The following UNC80 variants were observed in gnomAD, a reference collection of about 807,000 sequenced individuals.
UNC80 encodes protein unc-80 homolog.
In UNC80, 164 loss-of-function variants were observed where a neutral mutation model predicts 384.6. That is an observed-to-expected ratio of 0.43 (90% CI 0.38 to 0.49). UNC80 has a LOEUF of 0.49. Among genes scored for constraint, UNC80 ranks in the 20% least tolerant of loss-of-function variants. The pLI is 0.00. For missense variants in UNC80, 3,330 were observed against 4,143.0 expected, an observed-to-expected ratio of 0.80 and a Z score of 5.39; for synonymous variants, 1,486 against 1,527.8, an observed-to-expected ratio of 0.97 and a Z score of 0.64.
intron 31 of UNC80, 131 bp downstream of exon 31, chr2:209,914,071 G>T: frequency 8.8e-7 from 1 of 1,141,290 alleles, no homozygotes; most frequent in Non-Finnish European, 1.2e-6. Context: ...TATAACTGTA[G>T]ACTCTAGAGC....
chr2:209,893,406 T>A (rs1192463180), intron 26 of UNC80, among the ~76,000 whole-genome samples: 1 of 152,208 alleles, frequency 6.6e-6, no homozygotes, highest in Non-Finnish European at 1.5e-5. Flanking sequence ...AGGTTCAAGT[T>A]TAAATGCATT....
intron 41 of UNC80, among the ~76,000 whole-genome samples, chr2:209,937,149 T>A (rs1190169113): frequency 6.6e-6 from 1 of 152,246 alleles, no homozygotes; most frequent in Non-Finnish European, 1.5e-5. Flanking sequence ...ATGATAATGG[T>A]ATCCATGCTA....
intron 14 of UNC80, among the ~76,000 whole-genome samples, chr2:209,826,670 G>A (rs2080546386): frequency 6.6e-6 from 1 of 152,108 alleles, no homozygotes; most frequent in African/African-American, 2.4e-5. Context: ...ACTGGAAATG[G>A]TCTTCCAGCT....
intron 49 of UNC80, among the ~76,000 whole-genome samples, chr2:209,958,857 G>A (rs942875267): frequency 3.3e-5 from 5 of 152,268 alleles, no homozygotes; most frequent in Non-Finnish European, 2.9e-5. Context: ...TATTCTATGA[G>A]TTTGTATATA....
chr2:209,947,401 T>A (rs1316059236), intron 47 of UNC80, among the ~76,000 whole-genome samples: 1 of 152,230 alleles, frequency 6.6e-6, no homozygotes, highest in Non-Finnish European at 1.5e-5. Flanking sequence ...ATTTCAAATT[T>A]TACCAAATTT....
intron 54 of UNC80, among the ~76,000 whole-genome samples, chr2:209,971,378 T>C (rs927830057): frequency 6.6e-6 from 1 of 151,966 alleles, no homozygotes; most frequent in African/African-American, 2.4e-5. Flanking sequence ...TCTTTAATGA[T>C]TGTGGGTTGA....
At chr2:209,863,934 G>A (rs2083521423) in intron 22 of UNC80, among the ~76,000 whole-genome samples, 1 of 151,804 alleles carries the variant, frequency 6.6e-6, no homozygotes, top group South Asian at 2.1e-4. Flanking sequence ...CGGGTCTTCA[G>A]CATTTTTTCG....
At position 209,972,989 on chromosome 2, in the gene UNC80, T is replaced by G. The variant is rs143434705; in HGVS notation, c.8381-75T>G. ...TTTGGACTTGGAAAGAGCTGAGTTT[T>G]TCTGTATCTACTGTGGACAGTCTAC... On this transcript the variant is annotated intron_variant, in intron 55 of 64. Coordinates refer to ENST00000673920, the MANE Select transcript of UNC80 (RefSeq NM_001371986.1). 4 of 1,390,420 alleles carry G rather than the reference T, an allele frequency of 2.9e-6. No individual in the cohort carries two copies. In the African/African-American group the frequency reaches 5.8e-5, roughly 20 times the overall value. The allele number at this position is 1,390,420 out of a possible 1,614,324, so 86.1% of individuals were successfully genotyped here.
intron 17 of UNC80, 93 bp downstream of exon 17, chr2:209,834,261 G>T: frequency 6.8e-6 from 9 of 1,322,700 alleles, no homozygotes; most frequent in Non-Finnish European, 9.3e-6. Context: ...GTGCTGAAAT[G>T]TCAGCATAGG....
chr2:209,913,572 G>A (rs578117190), intron 30 of UNC80, among the ~76,000 whole-genome samples: 1 of 152,172 alleles, frequency 6.6e-6, no homozygotes, highest in Non-Finnish European at 1.5e-5. Flanking sequence ...AAGCAATTTT[G>A]TGGTGAAAAC....
rs1396989488 is a variant in UNC80, at chr2:209,872,288, A to G, written c.3628-470A>G. Among the ~76,000 whole-genome samples the G allele has an allele frequency of 6.6e-6, 1 of 152,210 alleles. No individual in the cohort carries two copies. The highest frequency in any genetic ancestry group is 1.5e-5 in the Non-Finnish European group (1 of 68,034). On this transcript the variant is annotated intron_variant, in intron 22 of 64. Transcript: ENST00000673920. This position sits in a 1 kb window ranked among gnomAD's most constrained non-coding sequence, Gnocchi z 4.1. ...GGAACATATGGATGGTTATAGACAA[A>G]AGACTATTGCTGGTACAAAATTACT... is the stretch of plus-strand genomic sequence containing the variant.
At chr2:209,930,014 T>A in intron 37 of UNC80, 43 bp downstream of exon 37, 1 of 1,332,736 alleles carries the variant, frequency 7.5e-7, no homozygotes, top group African/African-American at 1.5e-5. Context: ...TGGCTACAAG[T>A]GTGAACACTG....
rs565269557 is a variant in UNC80, at chr2:209,982,240, T to G, written c.9180T>G (p.Ile3060Met). The G allele has an allele frequency of 6.4e-7, 1 of 1,551,662 alleles. No homozygotes were observed. Among genetic ancestry groups the G allele is most frequent in the East Asian group, 2.4e-5 (1 of 40,912 alleles). ...SEQEAYLLSA[I>M]GRRRFSSHVS... ...AAGAAGCTTACCTCCTGAGTGCCAT[T>G]GGAAGGAGGCGATTCTCCAGCCATG... The change falls in exon 60 of 65, where the codon ATT (isoleucine) becomes ATG (methionine). Residue 3060 changes from isoleucine to methionine, a missense_variant. By Grantham distance (10) the Ile-to-Met change is conservative (BLOSUM62 1). Around this residue, in one of 8 missense-constraint regions of UNC80, gnomAD observed 216 missense variants for 245.3 expected, o/e 0.88. Transcript: ENST00000673920.
intron 40 of UNC80, 149 bp from the exon 41 acceptor site, chr2:209,936,695 G>T: frequency 1.6e-6 from 1 of 610,976 alleles, no homozygotes; most frequent in Admixed American, 2.8e-5. Flanking sequence ...CATATCTAAC[G>T]TATACAGTTT....
At chr2:209,877,897 C>A (rs1296251415) in intron 23 of UNC80, 57 bp from the exon 24 acceptor site, 1 of 1,442,614 alleles carries the variant, frequency 6.9e-7, no homozygotes, top group African/African-American at 1.5e-5. Flanking sequence ...AATGTGAGAG[C>A]CTATTTTAGA....
chr2:209,903,708 G>GT (rs1258900559), intron 28 of UNC80, among the ~76,000 whole-genome samples: 1 of 139,178 alleles, frequency 7.2e-6, no homozygotes. Context: ...TAATTTTCTA[G>GT]TGCTGCATAC....
chr2:209,942,632 G>A (rs2091700867), intron 44 of UNC80, among the ~76,000 whole-genome samples: 1 of 151,946 alleles, frequency 6.6e-6, no homozygotes, highest in Admixed American at 6.6e-5. Flanking sequence ...CAACCTATGG[G>A]GGCAAGAAAG....
intron 28 of UNC80, among the ~76,000 whole-genome samples, chr2:209,902,872 C>A (rs1472613697): frequency 6.6e-6 from 1 of 151,196 alleles, no homozygotes; most frequent in Non-Finnish European, 1.5e-5. Context: ...TGGAACTGAA[C>A]TCTCAATATC....
chr2:209,771,922 G>A lies in UNC80; in HGVS notation c.-151G>A. 1 of 640,444 alleles carries A rather than the reference G, an allele frequency of 1.6e-6. No homozygotes were observed. The highest frequency in any genetic ancestry group is 1.7e-5 in the South Asian group (1 of 60,170). The allele number at this position is 640,444 out of a possible 1,614,324, so 39.7% of individuals were successfully genotyped here. A position where few individuals can be genotyped will look rare whatever the true frequency, so the allele number is the denominator to read the frequency against. Reference sequence around the variant, plus strand: ...CCACGCGCGGGGAGGGGTGGGGGGAGGGGAGAGGCACGGGGGATCAGGGCG... The same window carrying A: ...CCACGCGCGGGGAGGGGTGGGGGGAAGGGAGAGGCACGGGGGATCAGGGCG... On this transcript the variant is annotated 5_prime_UTR_variant, in exon 1 of 65. Coordinates refer to ENST00000673920, the MANE Select transcript of UNC80 (RefSeq NM_001371986.1).
Sources: gnomAD v4.1 joint callset for allele counts (sites outside exome capture counted in the v4.1 genomes callset) on GRCh38, gnomAD v4.1.1 for gene constraint, gnomAD v4.1.1 regional missense constraint, Gnocchi (gnomAD v3.1) non-coding constraint, MANE v1.5 for transcripts, NCBI Gene and HGNC (gene_info 2026-07-23, HGNC 2026-07-21) for gene names.